Variants in TRIM32 observed in about 807,000 individuals in gnomAD.
TRIM32 encodes E3 ubiquitin-protein ligase TRIM32.
A neutral mutation model predicts 36.0 loss-of-function variants in TRIM32; 19 were observed. The observed-to-expected ratio is 0.53, with a 90% CI of 0.37 to 0.77. TRIM32 has a LOEUF of 0.77. Among genes scored for constraint, TRIM32 ranks in the 30% least tolerant of loss-of-function variants. The probability of loss-of-function intolerance (pLI) is 0.00; values close to 1 mark genes in which losing one functional copy is unlikely to be tolerated. For missense variants in TRIM32, 747 were observed against 845.2 expected (o/e 0.88, Z 1.44); for synonymous variants, 309 against 318.5 (o/e 0.97, Z 0.32).
In TRIM32 at chr9:116,698,905, C is replaced by T; in HGVS notation, c.1163C>T (p.Ala388Val). The T allele has an allele frequency of 6.2e-7, 1 of 1,614,234 alleles. No individual in the cohort carries two copies. The highest frequency in any genetic ancestry group is 8.5e-7 in the Non-Finnish European group (1 of 1,180,044). The change falls in exon 2 of 2, where the codon GCT (alanine) becomes GTT (valine). Residue 388 changes from alanine to valine, a missense_variant. Coordinates refer to ENST00000450136, the MANE Select transcript of TRIM32 (RefSeq NM_012210.4). The surrounding 1 kb of genome is among the most constrained non-coding windows in gnomAD (Gnocchi z 4.4). ...YVTSQGEVLV[A>V]DRGNYRIQVF... ...ACCAGTCAAGGTGAAGTACTAGTCGCTGACCGTGGTAACTATCGTATACAA... is the reference window on the plus strand; with the variant it reads ...ACCAGTCAAGGTGAAGTACTAGTCGTTGACCGTGGTAACTATCGTATACAA...
rs762785784 is a variant in TRIM32, at chr9:116,698,079, C to A, written c.337C>A (p.Arg113=). Residue 113 remains arginine (R), a synonymous_variant, in exon 2 of 2, where the codon CGG becomes AGG. Coordinates refer to ENST00000450136, the MANE Select transcript of TRIM32 (RefSeq NM_012210.4). This position sits in a 1 kb window ranked among gnomAD's most constrained non-coding sequence, Gnocchi z 4.4. ...GCGGCGTCTGCCCCGGCAATTCTGC[C>A]GGAGCTGTGGTTTGGTGTTATGTGA... is the stretch of plus-strand genomic sequence containing the variant. The part of the protein sequence containing the change: ...CGRRLPRQFC[R]SCGLVLCEPC... 1 of 1,614,096 alleles carries A rather than the reference C, an allele frequency of 6.2e-7. No individual in the cohort carries two copies. Among genetic ancestry groups the A allele is most frequent in the Admixed American group, 1.7e-5 (1 of 60,028 alleles).
intron 1 of TRIM32, among the ~76,000 whole-genome samples, chr9:116,696,091 A>G (rs1860836735): frequency 6.6e-6 from 1 of 152,070 alleles, no homozygotes; most frequent in South Asian, 2.1e-4. Context: ...TCCCCACTCC[A>G]TTCCTGCTTT....
At chr9:116,697,564 G>T in intron 1 of TRIM32, 98 bp from the exon 2 acceptor site, 1 of 762,722 alleles carries the variant, frequency 1.3e-6, no homozygotes, top group Non-Finnish European at 2.1e-6. Flanking sequence ...GTAAGGGAAT[G>T]ACTGAATGAC....
At position 116,698,022 on chromosome 9, in the gene TRIM32, G is replaced by A. The variant is rs1231169096; in HGVS notation, c.280G>A (p.Ala94Thr). 31 of 1,614,058 alleles carry A rather than the reference G, an allele frequency of 1.9e-5. No individual in the cohort carries two copies. The highest frequency in any genetic ancestry group is 2.5e-5 in the Non-Finnish European group (30 of 1,180,048). The change falls in exon 2 of 2, where the codon GCT becomes ACT. Residue 94 changes from alanine to threonine, a missense_variant. Coordinates refer to ENST00000450136, the MANE Select transcript of TRIM32 (RefSeq NM_012210.4). This position sits in a 1 kb window ranked among gnomAD's most constrained non-coding sequence, Gnocchi z 4.4. ...CATTGATACAGCTGGGCTCAGCGAG[G>A]CTGTGGGGCTGCTCATGTGTCGGTC... is the stretch of plus-strand genomic sequence containing the variant. ...KIIDTAGLSE[A>T]VGLLMCRSCG...
rs1661300 is a variant in TRIM32 at position 116,698,996 on chromosome 9, G to A, written c.1254G>A (p.Val418=). ...RRSPSGIDSF[V]LSFLGADLPN... ...GCCCCAGTGGCATTGATAGCTTTGTGCTAAGCTTCCTTGGGGCAGATCTAC... is the reference window on the plus strand; with the variant it reads ...GCCCCAGTGGCATTGATAGCTTTGTACTAAGCTTCCTTGGGGCAGATCTAC... The change falls in exon 2 of 2, where the codon GTG becomes GTA. Residue 418 remains valine, a synonymous_variant. Transcript: ENST00000450136. This position sits in a 1 kb window ranked among gnomAD's most constrained non-coding sequence, Gnocchi z 4.4. 185,912 of 1,613,940 alleles carry A rather than the reference G, an allele frequency of 0.12. 11,052 individuals carry two copies. The highest frequency in any genetic ancestry group is 0.14 in the East Asian group (6,299 of 44,848).
intron 1 of TRIM32, among the ~76,000 whole-genome samples, chr9:116,697,042 A>G (rs372518768): frequency 5.9e-5 from 9 of 151,628 alleles, no homozygotes; most frequent in East Asian, 3.9e-4. Flanking sequence ...CTTTCAAGAC[A>G]TATCTTAGGA....
chr9:116,694,762 C>T (rs945727074), intron 1 of TRIM32, among the ~76,000 whole-genome samples: 4 of 151,850 alleles, frequency 2.6e-5, no homozygotes, highest in African/African-American at 9.7e-5. Context: ...TGAGCCACCA[C>T]GCCTGGCCCT....
Position 116,698,279 on chromosome 9 carries a change from A to G in TRIM32, c.537A>G (p.Ala179=). 2 of 1,614,146 alleles carry G rather than the reference A, an allele frequency of 1.2e-6. No individual in the cohort carries two copies. Among genetic ancestry groups the G allele is most frequent in the East Asian group, 4.5e-5 (2 of 44,872 alleles). The part of the protein sequence containing the change: ...ALEGVSKDLQ[A]RYKAVLQEYG... Reference sequence around the variant, plus strand: ...AAGGTGTCTCCAAGGACCTTCAGGCAAGGTATAAAGCAGTTCTCCAGGAGT... The same window carrying G: ...AAGGTGTCTCCAAGGACCTTCAGGCGAGGTATAAAGCAGTTCTCCAGGAGT... Residue 179 remains alanine (A), a synonymous_variant, in exon 2 of 2, where the codon GCA becomes GCG. Transcript: ENST00000450136. This position sits in a 1 kb window ranked among gnomAD's most constrained non-coding sequence, Gnocchi z 4.4.
intron 1 of TRIM32, among the ~76,000 whole-genome samples, chr9:116,696,850 G>A (rs1860880146): frequency 6.7e-6 from 1 of 150,312 alleles, no homozygotes; most frequent in South Asian, 2.1e-4. Context: ...TTTCTGATCT[G>A]ATGTTTTGCA....
intron 1 of TRIM32, among the ~76,000 whole-genome samples, chr9:116,691,711 C>T (rs1043754390): frequency 7.9e-5 from 12 of 152,136 alleles, no homozygotes; most frequent in Non-Finnish European, 1.5e-4. Context: ...TCATCAGAAT[C>T]CTCTCCCACA....
rs1861021944 is a variant in TRIM32, at chr9:116,698,801, G to A, written c.1059G>A (p.Gln353=). ...GTCCTGAGGCAGCCTCCAATATCCA[G>A]CAGTGCCTCTTTCTCAAGAAGATGG... ...QRGPEAASNI[Q]QCLFLKKMGA... Residue 353 remains glutamine (Q), a synonymous_variant, in exon 2 of 2, where the codon CAG becomes CAA. Coordinates refer to ENST00000450136, the MANE Select transcript of TRIM32 (RefSeq NM_012210.4). The surrounding 1 kb of genome is among the most constrained non-coding windows in gnomAD (Gnocchi z 4.4). The A allele has an allele frequency of 3.1e-6, 5 of 1,614,194 alleles. No homozygotes were observed. Among genetic ancestry groups the A allele is most frequent in the Middle Eastern group, 1.6e-4 (1 of 6,062 alleles).
In TRIM32 at chr9:116,687,309, A is replaced by G; in HGVS notation, c.-154A>G. 1 of 983,672 alleles carries G rather than the reference A, an allele frequency of 1.0e-6. No individual in the cohort carries two copies. The allele number at this position is 983,672 out of a possible 1,614,324, so 60.9% of individuals were successfully genotyped here. A position where few individuals can be genotyped will look rare whatever the true frequency, so the allele number is the denominator to read the frequency against. On this transcript the variant is annotated 5_prime_UTR_variant, in exon 1 of 2. Coordinates refer to ENST00000450136, the MANE Select transcript of TRIM32 (RefSeq NM_012210.4). ...AATTGGCGCCCGGCAAGGGGTGCTCAACGGCGCGTGCGCAGAGGGAGGCAG... is the reference window on the plus strand; with the variant it reads ...AATTGGCGCCCGGCAAGGGGTGCTCGACGGCGCGTGCGCAGAGGGAGGCAG...
chr9:116,687,310 A>G lies in TRIM32; in HGVS notation c.-153A>G, dbSNP rs1419869268. On this transcript the variant is annotated 5_prime_UTR_variant, in exon 1 of 2. Transcript: ENST00000450136. ...ATTGGCGCCCGGCAAGGGGTGCTCA[A>G]CGGCGCGTGCGCAGAGGGAGGCAGG... The G allele has an allele frequency of 3.1e-6, 3 of 978,866 alleles. No homozygotes were observed. Among genetic ancestry groups the G allele is most frequent in the Non-Finnish European group, 3.6e-6 (3 of 825,778 alleles). The allele number at this position is 978,866 out of a possible 1,614,324, so 60.6% of individuals were successfully genotyped here.
rs1323896914 is a variant in TRIM32 at position 116,701,243 on chromosome 9, G to T, written c.*1539G>T. The T allele has an allele frequency of 1.2e-5, 2 of 167,014 alleles. No homozygotes were observed. Among genetic ancestry groups the T allele is most frequent in the Non-Finnish European group, 2.9e-5 (2 of 68,124 alleles). The allele number at this position is 167,014 out of a possible 1,614,324, so 10.3% of individuals were successfully genotyped here. On this transcript the variant is annotated 3_prime_UTR_variant, in exon 2 of 2. Transcript: ENST00000450136. ...TATGGTAGTAGTGTTTCTTTGGATT[G>T]TATCATAATAGCTGCCAAAGGATAG... is the stretch of plus-strand genomic sequence containing the variant.
chr9:116,699,743 A>G lies in TRIM32; in HGVS notation c.*39A>G, dbSNP rs542506728. On this transcript the variant is annotated 3_prime_UTR_variant, in exon 2 of 2. Transcript: ENST00000450136. This position sits in a 1 kb window ranked among gnomAD's most constrained non-coding sequence, Gnocchi z 4.2. ...ATCAGTTTCTTCTGCTCCCAAGCCA[A>G]CTTCCCTTCCCTTAGTTCTTGGTTG... 1.2e-6 allele frequency: 2 copies of G among 1,613,928 alleles called. No homozygotes were observed. The highest frequency in any genetic ancestry group is 1.3e-5 in the African/African-American group (1 of 75,044).
chr9:116,700,110 A>C lies in TRIM32; in HGVS notation c.*406A>C, dbSNP rs1046718253. 3.7e-6 allele frequency: 1 copy of C among 267,434 alleles called. No individual in the cohort carries two copies. Among genetic ancestry groups the C allele is most frequent in the Non-Finnish European group, 7.7e-6 (1 of 130,264 alleles). 16.6% of individuals were successfully genotyped at this position (267,434 alleles called of 1,614,324 possible). On this transcript the variant is annotated 3_prime_UTR_variant, in exon 2 of 2. Coordinates refer to ENST00000450136, the MANE Select transcript of TRIM32 (RefSeq NM_012210.4). ...TTTCCTTCCTACTATAATGTGCTTC[A>C]TCTGTGACACTTTCTCTTGAACTCT...
At chr9:116,690,371 C>A (rs1243285274) in intron 1 of TRIM32, among the ~76,000 whole-genome samples, 1 of 152,196 alleles carries the variant, frequency 6.6e-6, no homozygotes, top group African/African-American at 2.4e-5. Flanking sequence ...GGTTGGGATA[C>A]AAACCCAGTT....
At chr9:116,695,424 C>T (rs1860793807) in intron 1 of TRIM32, among the ~76,000 whole-genome samples, 1 of 152,150 alleles carries the variant, frequency 6.6e-6, no homozygotes, top group South Asian at 2.1e-4. Flanking sequence ...TTGTGCATGT[C>T]TGCTGCTATA....
At chr9:116,694,652 T>C (rs573961489) in intron 1 of TRIM32, among the ~76,000 whole-genome samples, 1 of 148,616 alleles carries the variant, frequency 6.7e-6, no homozygotes, top group East Asian at 2.0e-4. Flanking sequence ...TTTGTATTTT[T>C]AGTAGAGACG....
Sources: gnomAD v4.1 joint callset for allele counts (sites outside exome capture counted in the v4.1 genomes callset) on GRCh38, gnomAD v4.1.1 for gene constraint, Gnocchi (gnomAD v3.1) non-coding constraint, MANE v1.5 for transcripts, NCBI Gene and HGNC (gene_info 2026-07-23, HGNC 2026-07-21) for gene names.